The following KLHL29 variants were observed in gnomAD, a reference collection of about 807,000 sequenced individuals.
The protein encoded by KLHL29 is kelch-like protein 29.
Under a neutral mutation model 80.4 loss-of-function variants are expected in KLHL29, and 21 were observed. That is an observed-to-expected ratio of 0.26 (90% CI 0.19 to 0.38). KLHL29 has a LOEUF of 0.38. Among genes scored for constraint, KLHL29 ranks in the 10% least tolerant of loss-of-function variants. The pLI is 1.00. For missense variants in KLHL29, 867 were observed against 1,223.9 expected, an observed-to-expected ratio of 0.71 and a Z score of 4.35; for synonymous variants, 511 against 526.8, an observed-to-expected ratio of 0.97 and a Z score of 0.41.
intron 1 of KLHL29, among the ~76,000 whole-genome samples, chr2:23,391,883 C>A (rs996665565): frequency 2.6e-5 from 4 of 152,196 alleles, no homozygotes; most frequent in Non-Finnish European, 5.9e-5. Flanking sequence ...TATGCATTTC[C>A]TCCCGAGTGT....
At position 23,695,726 on chromosome 2, in the gene KLHL29, G is replaced by A; in HGVS notation, c.1646G>A (p.Cys549Tyr). 1 of 1,551,608 alleles carries A rather than the reference G, an allele frequency of 6.4e-7. No individual in the cohort carries two copies. The highest frequency in any genetic ancestry group is 8.7e-7 in the Non-Finnish European group (1 of 1,146,988). The change falls in exon 9 of 14, where the codon TGC (cysteine) becomes TAC (tyrosine). Residue 549 changes from cysteine (C) to tyrosine (Y), a missense_variant. Physicochemically the swap from Cys to Tyr is radical, Grantham distance 194. Transcript: ENST00000486442. The surrounding 1 kb of genome is among the most constrained non-coding windows in gnomAD (Gnocchi z 7.6). The stretch of plus-strand genomic sequence containing the variant: ...GAGCTGATCAAGTCATCAGAAGCCT[G>A]CCGGGACCTGGTGAACGAGGCCAAA... ...NEELIKSSEA[C>Y]RDLVNEAKRY...
At chr2:23,496,506 C>T (rs1372898216) in intron 2 of KLHL29, among the ~76,000 whole-genome samples, 2 of 152,128 alleles carry the variant, frequency 1.3e-5, no homozygotes, top group Admixed American at 6.5e-5. Flanking sequence ...CTGCTCCCAC[C>T]GGAAAGATAT....
At chr2:23,463,124 G>T in intron 1 of KLHL29, among the ~76,000 whole-genome samples, 1 of 146,228 alleles carries the variant, frequency 6.8e-6, no homozygotes. Context: ...GACTTTTTGA[G>T]TCCTCTGACA....
rs56103621 is a variant in KLHL29, at chr2:23,411,379, T to TTGTGTGTGTGTGTG, written c.-154+25632_-154+25645dup. On this transcript the variant is annotated intron_variant, in intron 1 of 13. Transcript: ENST00000486442. ...ATATTGGGTATGTATGTTGCAAAAA[T>TTGTGTGTGTGTGTG]TGTGTGTGTGTGTGTGTGTGTGTGT... Among the ~76,000 whole-genome samples the TTGTGTGTGTGTGTG allele has an allele frequency of 3.6e-3, 397 of 109,006 alleles. 6 individuals are homozygous for TTGTGTGTGTGTGTG. The highest frequency in any genetic ancestry group is 0.013 in the African/African-American group (339 of 26,328). The allele number at this position is 109,006 out of a possible 152,430, so 71.5% of individuals were successfully genotyped here.
intron 5 of KLHL29, among the ~76,000 whole-genome samples, chr2:23,677,655 C>T (rs4665236): frequency 0.41 from 61,748 of 151,748 alleles, 14,778 homozygotes; most frequent in East Asian, 0.76. Context: ...CTGATCAGAC[C>T]GGGGAGGGAG....
chr2:23,422,255 C>T (rs1427786177), intron 1 of KLHL29, among the ~76,000 whole-genome samples: 1 of 150,276 alleles, frequency 6.7e-6, no homozygotes, highest in Non-Finnish European at 1.5e-5. Flanking sequence ...GTTCATGTGT[C>T]TGTGTCTGTG....
intron 1 of KLHL29, among the ~76,000 whole-genome samples, chr2:23,411,362 T>C (rs574509166): frequency 6.7e-6 from 1 of 149,758 alleles, no homozygotes; most frequent in East Asian, 2.0e-4. Flanking sequence ...GTATATTGGG[T>C]ATGTATGTTG....
At chr2:23,504,903 T>C (rs2103457442) in intron 2 of KLHL29, among the ~76,000 whole-genome samples, 1 of 152,298 alleles carries the variant, frequency 6.6e-6, no homozygotes, top group African/African-American at 2.4e-5. Context: ...CTGATGGCCC[T>C]GGTGACCCAG....
rs1671077070 is a variant in KLHL29 at position 23,681,317 on chromosome 2, CAGAG to C, written c.941-3077_941-3074del. Among the ~76,000 whole-genome samples, 2 of 152,188 alleles carry C rather than the reference CAGAG, an allele frequency of 1.3e-5. No individual in the cohort carries two copies. The highest frequency in any genetic ancestry group is 4.8e-5 in the African/African-American group (2 of 41,438). On this transcript the variant is annotated intron_variant, in intron 5 of 13. Coordinates refer to ENST00000486442, the MANE Select transcript of KLHL29 (RefSeq NM_052920.2). This position sits in a 1 kb window ranked among gnomAD's most constrained non-coding sequence, Gnocchi z 4.2. The stretch of plus-strand genomic sequence containing the variant: ...ATCCAGATTTCCACCAAGTGAGATT[CAGAG>C]AGAGCAGAAAGCACCTACATTAGGA...
intron 2 of KLHL29, among the ~76,000 whole-genome samples, chr2:23,489,482 G>A (rs936533689): frequency 4.6e-5 from 7 of 152,132 alleles, no homozygotes; most frequent in African/African-American, 1.7e-4. Flanking sequence ...AAATGGAGAA[G>A]AGCTTGTCCC....
At chr2:23,609,786 C>T (rs1346321040) in intron 3 of KLHL29, among the ~76,000 whole-genome samples, 2 of 152,154 alleles carry the variant, frequency 1.3e-5, no homozygotes, top group African/African-American at 4.8e-5. Flanking sequence ...GAGGTAGTGA[C>T]TTATCCCCAT....
At chr2:23,625,898 C>G (rs1037430391) in intron 3 of KLHL29, among the ~76,000 whole-genome samples, 2 of 152,146 alleles carry the variant, frequency 1.3e-5, no homozygotes, top group African/African-American at 4.8e-5. Context: ...GGTGAGGACA[C>G]GGCAAGAAGG....
intron 1 of KLHL29, among the ~76,000 whole-genome samples, chr2:23,434,618 A>G (rs185206962): frequency 4.5e-4 from 68 of 152,318 alleles, no homozygotes; most frequent in Admixed American, 8.5e-4. Flanking sequence ...CCCCCAGGCT[A>G]TTTCTGGTGA....
intron 1 of KLHL29, among the ~76,000 whole-genome samples, chr2:23,463,541 A>C (rs983759906): frequency 2.0e-5 from 3 of 152,168 alleles, no homozygotes; most frequent in Non-Finnish European, 4.4e-5. Flanking sequence ...TTGCACGTAT[A>C]AGCATTTCTG....
intron 2 of KLHL29, among the ~76,000 whole-genome samples, chr2:23,524,613 G>C (rs898500276): frequency 2.0e-5 from 3 of 152,232 alleles, no homozygotes; most frequent in African/African-American, 4.8e-5. Context: ...ACTCAGAGAG[G>C]GGGTGGGTGG....
intron 3 of KLHL29, among the ~76,000 whole-genome samples, chr2:23,572,349 A>G (rs986151371): frequency 6.6e-6 from 1 of 152,186 alleles, no homozygotes; most frequent in Admixed American, 6.5e-5. Context: ...CCTAAAGGTT[A>G]CCACCCCCTG....
At chr2:23,597,309 A>ATGTGTGTGTGTGTGTGTGTGTG (rs1217422868) in intron 3 of KLHL29, among the ~76,000 whole-genome samples, 30 of 100,502 alleles carry the variant, frequency 3.0e-4, no homozygotes, top group African/African-American at 9.8e-4. Context: ...ATATATATAT[A>ATGTGTGTGTGTGTGTGTGTGTG]TGTGTGTGTG....
intron 11 of KLHL29, among the ~76,000 whole-genome samples, chr2:23,698,329 G>A (rs1420130722): frequency 3.9e-5 from 6 of 152,222 alleles, no homozygotes; most frequent in African/African-American, 1.2e-4. Context: ...CCTGGGCAGT[G>A]TGCATGCAAG....
At position 23,562,551 on chromosome 2, in the gene KLHL29, G is replaced by A. The variant is rs1667478121; in HGVS notation, c.285+70G>A. On this transcript the variant is annotated intron_variant, in intron 3 of 13. Transcript: ENST00000486442. This position sits in a 1 kb window ranked among gnomAD's most constrained non-coding sequence, Gnocchi z 4.5. The stretch of plus-strand genomic sequence containing the variant: ...CCTGCCTCCCTGCAGGCTCAGGCCA[G>A]CCCCACAGGCTCCTGTGGGGCAGCC... 5.4e-6 allele frequency: 8 copies of A among 1,471,970 alleles called. No homozygotes were observed. The highest frequency in any genetic ancestry group is 6.4e-6 in the Non-Finnish European group (7 of 1,101,898). 91.2% of individuals were successfully genotyped at this position (1,471,970 alleles called of 1,614,324 possible). A position where few individuals can be genotyped will look rare whatever the true frequency, so the allele number is the denominator to read the frequency against.
Sources: allele counts gnomAD v4.1 joint callset (sites outside exome capture counted in the v4.1 genomes callset), GRCh38; gene constraint gnomAD v4.1.1; non-coding constraint Gnocchi (gnomAD v3.1); transcripts MANE v1.5; gene names NCBI Gene and HGNC (gene_info 2026-07-23, HGNC 2026-07-21).